Variants in TBL1X observed in about 807,000 individuals in gnomAD.
The protein encoded by TBL1X is F-box-like/WD repeat-containing protein TBL1X.
A neutral mutation model predicts 50.7 loss-of-function variants in TBL1X; 10 were observed. The observed-to-expected ratio is 0.20, with a 90% CI of 0.12 to 0.33. The LOEUF (loss-of-function observed/expected upper bound fraction) is 0.33. Among genes scored for constraint, TBL1X ranks in the 10% least tolerant of loss-of-function variants. The probability of loss-of-function intolerance (pLI) is 1.00; values close to 1 mark genes in which losing one functional copy is unlikely to be tolerated. For synonymous variants in TBL1X, 190 were observed against 214.7 expected (o/e 0.88, Z 1.01); for missense variants, 340 against 504.4 (o/e 0.67, Z 3.12).
intron 3 of TBL1X, among the ~76,000 whole-genome samples, chrX:9,643,118 C>T (rs1276514620): frequency 8.9e-6 from 1 of 111,737 alleles, no homozygotes; most frequent in African/African-American, 3.3e-5. Flanking sequence ...GGCTCTGGGC[C>T]TGTGTAACTG....
At chrX:9,631,442 G>A (rs1003335805) in intron 2 of TBL1X, among the ~76,000 whole-genome samples, 1 of 112,175 alleles carries the variant, frequency 8.9e-6, no homozygotes, top group Non-Finnish European at 1.9e-5. Flanking sequence ...GTGTGCTTTT[G>A]CATAAATTGC....
intron 2 of TBL1X, among the ~76,000 whole-genome samples, chrX:9,638,373 T>C (rs2082758956): frequency 8.9e-6 from 1 of 112,504 alleles, no homozygotes; most frequent in Non-Finnish European, 1.9e-5. Flanking sequence ...TGCATACTAA[T>C]AATGGGGAAA....
chrX:9,565,006 C>G (rs1467235145), intron 2 of TBL1X, among the ~76,000 whole-genome samples: 1 of 110,474 alleles, frequency 9.1e-6, no homozygotes, highest in Non-Finnish European at 1.9e-5. Flanking sequence ...TGCGGTGGCT[C>G]ACGCCTGTAA....
At chrX:9,632,233 G>A (rs987335506) in intron 2 of TBL1X, among the ~76,000 whole-genome samples, 2 of 111,595 alleles carry the variant, frequency 1.8e-5, no homozygotes, top group Admixed American at 9.6e-5. Flanking sequence ...TTCCTTAACT[G>A]AGAGTTTTAC....
chrX:9,508,285 G>C lies in TBL1X; in HGVS notation c.-131+6436G>C, dbSNP rs141830947. 5.6e-3 allele frequency among the ~76,000 whole-genome samples: 629 copies of C among 112,453 alleles called. 3 individuals are homozygous for C. The highest frequency in any genetic ancestry group is 0.02 in the African/African-American group (604 of 30,954). On this transcript the variant is annotated intron_variant, in intron 2 of 17. Transcript: ENST00000645353. ...CCATCAAAAAGTGGGCAAAGGATAT[G>C]AACAGACACTTCTCAAAAGAAGACA...
At chrX:9,542,935 T>C (rs2082222502) in intron 2 of TBL1X, among the ~76,000 whole-genome samples, 1 of 111,541 alleles carries the variant, frequency 9.0e-6, no homozygotes, top group Admixed American at 9.5e-5. Flanking sequence ...GGGGAGTGAG[T>C]GCCAGCCCGT....
intron 1 of TBL1X, among the ~76,000 whole-genome samples, chrX:9,492,972 C>A (rs191708761): frequency 3.6e-4 from 38 of 106,485 alleles, no homozygotes; most frequent in Non-Finnish European, 6.4e-4. Context: ...ACAAGCAATG[C>A]GATTTTGGCA....
intron 2 of TBL1X, among the ~76,000 whole-genome samples, chrX:9,600,162 C>A (rs2082547702): frequency 9.0e-6 from 1 of 111,556 alleles, no homozygotes; most frequent in African/African-American, 3.3e-5. Context: ...GCTGCTGTAA[C>A]AAAATACCGT....
At chrX:9,714,184 C>T (rs192185718) in intron 16 of TBL1X, among the ~76,000 whole-genome samples, 203 of 111,762 alleles carry the variant, frequency 1.8e-3, no homozygotes, top group Non-Finnish European at 4.7e-4. Context: ...TGTTTTAAAC[C>T]GGAAACCAAT....
At chrX:9,518,595 C>T (rs147229095) in intron 2 of TBL1X, among the ~76,000 whole-genome samples, 1,194 of 111,578 alleles carry the variant, frequency 0.011, 9 homozygotes, top group Non-Finnish European at 0.018. Flanking sequence ...ATAACAGCTG[C>T]GACCAGAGGA....
intron 12 of TBL1X, among the ~76,000 whole-genome samples, chrX:9,701,680 G>A (rs763628688): frequency 2.7e-5 from 3 of 109,770 alleles, no homozygotes; most frequent in East Asian, 2.8e-4. Flanking sequence ...ATCCTGGACC[G>A]CGGGTTGAAC....
chrX:9,555,292 G>T (rs2082291085), intron 2 of TBL1X, among the ~76,000 whole-genome samples: 1 of 111,042 alleles, frequency 9.0e-6, no homozygotes, highest in Non-Finnish European at 1.9e-5. Context: ...GCCTAGGCTG[G>T]TCTTTTGAAT....
intron 5 of TBL1X, among the ~76,000 whole-genome samples, chrX:9,679,239 G>A (rs925079975): frequency 8.2e-5 from 9 of 109,236 alleles, no homozygotes; most frequent in Non-Finnish European, 1.5e-4. Context: ...TGGGGTTGAT[G>A]GGACAATATT....
intron 1 of TBL1X, among the ~76,000 whole-genome samples, chrX:9,479,550 C>G (rs1170686755): frequency 1.8e-5 from 2 of 112,282 alleles, no homozygotes; most frequent in African/African-American, 6.5e-5. Context: ...TCTGATCTTT[C>G]AAAAATAAGG....
intron 2 of TBL1X, among the ~76,000 whole-genome samples, chrX:9,511,136 G>A (rs992478972): frequency 2.7e-5 from 3 of 112,278 alleles, no homozygotes; most frequent in Non-Finnish European, 3.8e-5. Context: ...GCCAAGCATT[G>A]GATTTGGTAA....
chrX:9,566,353 T>C (rs1329979026), intron 2 of TBL1X, among the ~76,000 whole-genome samples: 1 of 112,175 alleles, frequency 8.9e-6, no homozygotes, highest in Non-Finnish European at 1.9e-5. Flanking sequence ...TTTTTAAATA[T>C]GTCATTGAAT....
intron 5 of TBL1X, among the ~76,000 whole-genome samples, chrX:9,660,957 G>A (rs972663293): frequency 1.8e-5 from 2 of 111,980 alleles, no homozygotes; most frequent in African/African-American, 6.5e-5. Flanking sequence ...GAGCTCCTTT[G>A]CCCCTTCTAC....
At chrX:9,468,203 A>C (rs1404072597) in intron 1 of TBL1X, among the ~76,000 whole-genome samples, 1 of 111,821 alleles carries the variant, frequency 8.9e-6, no homozygotes, top group Non-Finnish European at 1.9e-5. Context: ...GAGATTTGAG[A>C]TGGGGCATGA....
chrX:9,617,990 C>G (rs1042720374), intron 2 of TBL1X, among the ~76,000 whole-genome samples: 1 of 111,157 alleles, frequency 9.0e-6, no homozygotes, highest in Non-Finnish European at 1.9e-5. Context: ...CCAGGAGATA[C>G]CAGTAGCACC....
Sources: gnomAD v4.1 joint callset for allele counts (sites outside exome capture counted in the v4.1 genomes callset) on GRCh38, gnomAD v4.1.1 for gene constraint, MANE v1.5 for transcripts, NCBI Gene and HGNC (gene_info 2026-07-23, HGNC 2026-07-21) for gene names.